L3MBTL4: variants seen among roughly 807,000 people sequenced by gnomAD.
L3MBTL4 encodes lethal(3)malignant brain tumor-like protein 4.
In L3MBTL4, 70 loss-of-function variants were observed where a neutral mutation model predicts 84.5. That is an observed-to-expected ratio of 0.83 (90% confidence interval 0.68 to 1.01). The LOEUF is 1.01. L3MBTL4 is among the 50% of genes least tolerant of loss of function. L3MBTL4 has a pLI of 0.00. For missense variants in L3MBTL4, 715 were observed against 754.8 expected (o/e 0.95, Z 0.62); for synonymous variants, 274 against 259.8 (o/e 1.05, Z -0.52).
At chr18:6,068,812 T>C (rs917208480) in intron 16 of L3MBTL4, among the ~76,000 whole-genome samples, 1 of 152,118 alleles carries the variant, frequency 6.6e-6, no homozygotes, top group Non-Finnish European at 1.5e-5. Flanking sequence ...AGCACTGCAA[T>C]TGTGTCTCTG....
intron 5 of L3MBTL4, among the ~76,000 whole-genome samples, chr18:6,261,299 T>C (rs932249577): frequency 5.3e-5 from 8 of 152,242 alleles, no homozygotes; most frequent in East Asian, 1.9e-4. Context: ...TGTTAGATTA[T>C]GACTGGAGAG....
At chr18:6,145,117 T>C (rs1379934709) in intron 13 of L3MBTL4, among the ~76,000 whole-genome samples, 2 of 152,168 alleles carry the variant, frequency 1.3e-5, no homozygotes, top group East Asian at 3.8e-4. Context: ...AACACTCAAG[T>C]TGCGTATGTA....
intron 5 of L3MBTL4, among the ~76,000 whole-genome samples, chr18:6,257,664 T>A (rs545698502): frequency 0.068 from 10,084 of 147,536 alleles, 1,079 homozygotes; most frequent in African/African-American, 0.24. Flanking sequence ...TTTTTTTTTT[T>A]AAATGGAGTT....
chr18:5,975,211 T>TA (rs2052853735), intron 16 of L3MBTL4, among the ~76,000 whole-genome samples: 1 of 152,138 alleles, frequency 6.6e-6, no homozygotes, highest in South Asian at 2.1e-4. Context: ...TCATAAATGG[T>TA]AAACCACAGT....
At chr18:6,363,479 A>C (rs904129856) in intron 1 of L3MBTL4, among the ~76,000 whole-genome samples, 1 of 152,198 alleles carries the variant, frequency 6.6e-6, no homozygotes, top group African/African-American at 2.4e-5. Context: ...GTGATGTCAG[A>C]AGTGACAAAG....
chr18:5,997,508 C>G (rs1257538009), intron 16 of L3MBTL4, among the ~76,000 whole-genome samples: 1 of 152,126 alleles, frequency 6.6e-6, no homozygotes, highest in Non-Finnish European at 1.5e-5. Flanking sequence ...GTGACTATCC[C>G]TCTACCTTCC....
rs544891721 is a variant in L3MBTL4 at position 6,057,512 on chromosome 18, T to G, written c.1444+23369A>C. Among the ~76,000 whole-genome samples, 4 of 152,354 alleles carry G rather than the reference T, an allele frequency of 2.6e-5. No homozygotes were observed. In the South Asian group the frequency reaches 8.3e-4, roughly 32 times the overall value. ...AACTCAGGAAACTTCTCTCTCTGTT[T>G]AGTTTCTACTTTCTTTAAATACTTC... On this transcript the variant is annotated intron_variant, in intron 16 of 18. Coordinates refer to ENST00000317931, the MANE Select transcript of L3MBTL4 (RefSeq NM_001330559.2).
At chr18:5,972,603 G>T (rs1415708551) in intron 16 of L3MBTL4, among the ~76,000 whole-genome samples, 1 of 152,154 alleles carries the variant, frequency 6.6e-6, no homozygotes, top group African/African-American at 2.4e-5. Context: ...TTGCATTTGG[G>T]GAGTGTTTCG....
intron 12 of L3MBTL4, among the ~76,000 whole-genome samples, chr18:6,197,703 G>A (rs2045467695): frequency 6.6e-6 from 1 of 152,168 alleles, no homozygotes; most frequent in Admixed American, 6.5e-5. Flanking sequence ...TGGCCTTCCT[G>A]GGGCAGCCTT....
At chr18:6,243,555 A>G in intron 6 of L3MBTL4, 126 bp from the exon 7 acceptor site, 1 of 678,128 alleles carries the variant, frequency 1.5e-6, no homozygotes, top group Non-Finnish European at 2.2e-6. Context: ...TTCTATCCAA[A>G]TGTTTCCATT....
intron 16 of L3MBTL4, among the ~76,000 whole-genome samples, chr18:6,066,722 C>A (rs2057411449): frequency 1.3e-5 from 2 of 152,006 alleles, no homozygotes; most frequent in Admixed American, 6.6e-5. Flanking sequence ...TTTTTTTCCA[C>A]CCCTTTACCT....
intron 13 of L3MBTL4, among the ~76,000 whole-genome samples, chr18:6,152,845 T>C (rs1345387016): frequency 2.6e-5 from 4 of 152,194 alleles, no homozygotes; most frequent in African/African-American, 9.6e-5. Flanking sequence ...TATGTTCTCT[T>C]CTAAGAGTTT....
intron 16 of L3MBTL4, among the ~76,000 whole-genome samples, chr18:6,044,933 T>G (rs2056549497): frequency 6.6e-6 from 1 of 152,206 alleles, no homozygotes; most frequent in African/African-American, 2.4e-5. Context: ...CCCAGAAGAC[T>G]TACTAAGTGT....
At chr18:6,004,138 T>C (rs540402823) in intron 16 of L3MBTL4, among the ~76,000 whole-genome samples, 2 of 152,156 alleles carry the variant, frequency 1.3e-5, no homozygotes, top group South Asian at 4.2e-4. Flanking sequence ...TTAGCTAGAT[T>C]GACTAAGAAA....
At chr18:6,047,998 A>T (rs1324651499) in intron 16 of L3MBTL4, among the ~76,000 whole-genome samples, 1 of 152,220 alleles carries the variant, frequency 6.6e-6, no homozygotes, top group East Asian at 1.9e-4. Flanking sequence ...TTCTACACCT[A>T]GAAAACCCTA....
intron 10 of L3MBTL4, among the ~76,000 whole-genome samples, chr18:6,219,662 A>G (rs746733074): frequency 5.9e-5 from 9 of 151,742 alleles, no homozygotes; most frequent in Non-Finnish European, 1.3e-4. Flanking sequence ...GATCTGGGTG[A>G]CAAATATCTT....
intron 12 of L3MBTL4, among the ~76,000 whole-genome samples, chr18:6,182,976 C>A (rs1286839331): frequency 1.3e-5 from 2 of 152,108 alleles, no homozygotes; most frequent in African/African-American, 2.4e-5. Context: ...TGCAGAGGAC[C>A]ACTCAACTCT....
chr18:6,142,313 A>T (rs1297848363), intron 13 of L3MBTL4, among the ~76,000 whole-genome samples: 1 of 152,180 alleles, frequency 6.6e-6, no homozygotes, highest in Non-Finnish European at 1.5e-5. Flanking sequence ...CCTTTGAGAG[A>T]CACTCATAGT....
chr18:5,960,450 C>T (rs7232023), intron 17 of L3MBTL4, among the ~76,000 whole-genome samples: 9,114 of 152,274 alleles, frequency 0.06, 874 homozygotes, highest in African/African-American at 0.2. Flanking sequence ...ATCTGATTCT[C>T]CTGACTCCCC....
Sources: gnomAD v4.1 joint callset for allele counts (sites outside exome capture counted in the v4.1 genomes callset) on GRCh38, gnomAD v4.1.1 for gene constraint, MANE v1.5 for transcripts, NCBI Gene and HGNC (gene_info 2026-07-23, HGNC 2026-07-21) for gene names.